The following ZFP69 variants were observed in gnomAD, a reference collection of about 807,000 sequenced individuals.
The protein encoded by ZFP69 is zinc finger protein 69 homolog.
ZFP69 carries 35 observed loss-of-function variants against 48.9 expected under a neutral mutation model. That is an observed-to-expected ratio of 0.72 (90% confidence interval 0.55 to 0.95). ZFP69 has a LOEUF of 0.95. Ranked by LOEUF, ZFP69 falls within the 40% of genes least tolerant of loss-of-function variation. The pLI, the probability that ZFP69 is intolerant of heterozygous loss-of-function variation, is 0.00. For synonymous variants in ZFP69, 193 were observed against 216.8 expected, an observed-to-expected ratio of 0.89 and a Z score of 0.96; for missense variants, 557 against 638.4, an observed-to-expected ratio of 0.87 and a Z score of 1.37.
At position 40,487,197 on chromosome 1, in the gene ZFP69, ACAGGCATGAGC is replaced by A. The variant is rs572949560; in HGVS notation, c.220-1888_220-1878del. ...ATCAGCCTCCCAAAGTGCTGGGATT[ACAGGCATGAGC>A]CACTGCGCCCGGCCTACAGTTGATT... On this transcript the variant is annotated intron_variant, in intron 3 of 5. Coordinates refer to ENST00000372706, the MANE Select transcript of ZFP69 (RefSeq NM_001320179.2). Among the ~76,000 whole-genome samples the A allele has an allele frequency of 9.8e-3, 1,496 of 152,322 alleles. 19 individuals are homozygous for A. The highest frequency in any genetic ancestry group is 0.034 in the African/African-American group (1,415 of 41,564).
chr1:40,495,616 G>A lies in ZFP69; in HGVS notation c.1138G>A (p.Glu380Lys). ...LVQHLRTHSG[E>K]KPFTCNECGK... The stretch of plus-strand genomic sequence containing the variant: ...TCAACATTTGAGGACTCATTCTGGA[G>A]AGAAACCTTTTACTTGCAATGAATG... The change falls in exon 6 of 6, where the codon GAG becomes AAG. Residue 380 changes from glutamate (E) to lysine (K), a missense_variant. Physicochemically the swap from Glu to Lys is moderately conservative, Grantham distance 56 (BLOSUM62 1). Transcript: ENST00000372706. The A allele has an allele frequency of 6.2e-7, 1 of 1,614,238 alleles. No homozygotes were observed. Among genetic ancestry groups the A allele is most frequent in the Non-Finnish European group, 8.5e-7 (1 of 1,180,046 alleles).
At chr1:40,491,149 A>G (rs1197594832) in intron 5 of ZFP69, 1 of 152,236 alleles carries the variant, frequency 6.6e-6, no homozygotes, top group Non-Finnish European at 1.5e-5. Context: ...TAAATGGTAT[A>G]TATACTTCTT....
At position 40,496,030 on chromosome 1, in the gene ZFP69, A is replaced by G. The variant is rs1645631534; in HGVS notation, c.1552A>G (p.Arg518Gly). ...ACTTAGTCGACATCATGAAATACACAGGAGGAACGCCTTCCGAAATAAGGT... is the reference window on the plus strand; with the variant it reads ...ACTTAGTCGACATCATGAAATACACGGGAGGAACGCCTTCCGAAATAAGGT... ...SSLSRHHEIH[R>G]RNAFRNKV is the part of the protein sequence containing the mutation. The change falls in exon 6 of 6, where the codon AGG becomes GGG. Residue 518 changes from arginine (R) to glycine (G), a missense_variant. Coordinates refer to ENST00000372706, the MANE Select transcript of ZFP69 (RefSeq NM_001320179.2). The G allele has an allele frequency of 6.2e-7, 1 of 1,604,956 alleles. No individual in the cohort carries two copies. Among genetic ancestry groups the G allele is most frequent in the Non-Finnish European group, 8.5e-7 (1 of 1,175,770 alleles).
intron 3 of ZFP69, among the ~76,000 whole-genome samples, chr1:40,486,925 A>AT (rs557530908): frequency 0.16 from 22,036 of 135,362 alleles, 2,079 homozygotes; most frequent in African/African-American, 0.26. Flanking sequence ...TTTACAGTTG[A>AT]TTTTTTTTTT....
In ZFP69 at chr1:40,477,377, G is replaced by A. The variant is rs912233637; in HGVS notation, c.-844G>A. 2.0e-5 allele frequency: 3 copies of A among 152,160 alleles called. No individual in the cohort carries two copies. Among genetic ancestry groups the A allele is most frequent in the African/African-American group, 7.2e-5 (3 of 41,428 alleles). The allele number at this position is 152,160 out of a possible 1,614,324, so 9.4% of individuals were successfully genotyped here. A position where few individuals can be genotyped will look rare whatever the true frequency, so the allele number is the denominator to read the frequency against. On this transcript the variant is annotated 5_prime_UTR_variant, in exon 1 of 6. Coordinates refer to ENST00000372706, the MANE Select transcript of ZFP69 (RefSeq NM_001320179.2). The surrounding 1 kb of genome is among the most constrained non-coding windows in gnomAD (Gnocchi z 4.0). ...GGACCGCCAGGGCTGCAGCGAGAGC[G>A]GCCGGCGGTGCAAGCGGCCGGGAGG...
At chr1:40,486,973 G>A (rs1158060729) in intron 3 of ZFP69, among the ~76,000 whole-genome samples, 1 of 148,788 alleles carries the variant, frequency 6.7e-6, no homozygotes, top group Non-Finnish European at 1.5e-5. Context: ...TCACCAGGCT[G>A]GAGTGCAGTG....
At chr1:40,479,586 G>C in intron 2 of ZFP69, 98 bp downstream of exon 2, 503 of 1,280,908 alleles carry the variant, frequency 3.9e-4, no homozygotes, top group Middle Eastern at 6.5e-4. Flanking sequence ...AGGGAGAGAA[G>C]GTCTCTGGGG....
chr1:40,494,305 GT>G (rs1220834494), intron 5 of ZFP69, among the ~76,000 whole-genome samples: 4 of 107,240 alleles, frequency 3.7e-5, no homozygotes, highest in African/African-American at 1.4e-4. Flanking sequence ...GTCTCGCTCT[GT>G]CGCCCAGGCT....
In ZFP69 at chr1:40,495,686, G is replaced by A. The variant is rs757968094; in HGVS notation, c.1208G>A (p.Arg403Lys). 1.2e-6 allele frequency: 2 copies of A among 1,614,176 alleles called. No homozygotes were observed. Among genetic ancestry groups the A allele is most frequent in the South Asian group, 2.2e-5 (2 of 91,086 alleles). The change falls in exon 6 of 6, where the codon AGA (arginine) becomes AAA (lysine). Residue 403 changes from arginine (R) to lysine (K), a missense_variant. By Grantham distance (26) the Arg-to-Lys change is conservative. Coordinates refer to ENST00000372706, the MANE Select transcript of ZFP69 (RefSeq NM_001320179.2). ...ATTAGACACCTTAGTGAACATATAAGAATTCATACCGGGGAGAAGCCCTAT... is the reference window on the plus strand; with the variant it reads ...ATTAGACACCTTAGTGAACATATAAAAATTCATACCGGGGAGAAGCCCTAT... ...RQIRHLSEHI[R>K]IHTGEKPYAC...
At chr1:40,491,785 GTATA>G (rs745905179) in intron 5 of ZFP69, among the ~76,000 whole-genome samples, 1 of 148,842 alleles carries the variant, frequency 6.7e-6, no homozygotes, top group Admixed American at 6.7e-5. Flanking sequence ...GTGTGTGTGT[GTATA>G]TATATATATA....
Position 40,495,622 on chromosome 1 carries a change from C to A in ZFP69, c.1144C>A (p.Pro382Thr). 6.2e-7 allele frequency: 1 copy of A among 1,614,184 alleles called. No individual in the cohort carries two copies. Among genetic ancestry groups the A allele is most frequent in the Non-Finnish European group, 8.5e-7 (1 of 1,180,028 alleles). ...QHLRTHSGEK[P>T]FTCNECGKTF... ...TTTGAGGACTCATTCTGGAGAGAAA[C>A]CTTTTACTTGCAATGAATGTGGGAA... The change falls in exon 6 of 6, where the codon CCT becomes ACT. Residue 382 changes from proline to threonine, a missense_variant. Transcript: ENST00000372706.
chr1:40,479,523 T>A, intron 2 of ZFP69, 35 bp downstream of exon 2: 1 of 1,578,566 alleles, frequency 6.3e-7, no homozygotes, highest in Non-Finnish European at 8.6e-7. Flanking sequence ...AAGAAGGGGA[T>A]CTCATTTGTG....
Position 40,484,883 on chromosome 1 carries a change from C to CTTTTTTTT in ZFP69, c.219+3048_219+3055dup, listed in dbSNP as rs71060386. Among the ~76,000 whole-genome samples the CTTTTTTTT allele has an allele frequency of 9.0e-5, 4 of 44,392 alleles. 1 individual carries two copies. The highest frequency in any genetic ancestry group is 2.0e-3 in the East Asian group (2 of 1,012). The allele number at this position is 44,392 out of a possible 152,430, so 29.1% of individuals were successfully genotyped here. On this transcript the variant is annotated intron_variant, in intron 3 of 5. Transcript: ENST00000372706. ...GGCATGAGCCACTGCGCCTGGCCTG[C>CTTTTTTTT]TTTTTTTTTTTTTTTTTTTTTTTTT...
In ZFP69 at chr1:40,494,964, T is replaced by C; in HGVS notation, c.486T>C (p.Ser162=). The change falls in exon 6 of 6, where the codon AGT becomes AGC. Residue 162 remains serine, a synonymous_variant. Coordinates refer to ENST00000372706, the MANE Select transcript of ZFP69 (RefSeq NM_001320179.2). ...AAACCATTGAGTCAACTGCAAAGAG[T>C]ACCATTTCACAGGAGCGCTTATATC... ...KIETIESTAK[S]TISQERLYHG... 6.2e-7 allele frequency: 1 copy of C among 1,613,568 alleles called. No individual in the cohort carries two copies. The highest frequency in any genetic ancestry group is 1.3e-5 in the African/African-American group (1 of 74,928).
At chr1:40,486,214 C>G (rs1230061273) in intron 3 of ZFP69, among the ~76,000 whole-genome samples, 1 of 151,836 alleles carries the variant, frequency 6.6e-6, no homozygotes, top group Non-Finnish European at 1.5e-5. Context: ...GCATGAGCCA[C>G]TGTGCCTTGC....
At chr1:40,480,059 G>A (rs1645428145) in intron 2 of ZFP69, among the ~76,000 whole-genome samples, 1 of 152,110 alleles carries the variant, frequency 6.6e-6, no homozygotes, top group Non-Finnish European at 1.5e-5. Flanking sequence ...TACCTTTAAT[G>A]CTTTACACTC....
intron 3 of ZFP69, among the ~76,000 whole-genome samples, chr1:40,483,002 C>T (rs1280078487): frequency 6.6e-6 from 1 of 152,068 alleles, no homozygotes; most frequent in Non-Finnish European, 1.5e-5. Flanking sequence ...ACTTACGGAA[C>T]ACTACGTCTA....
At chr1:40,486,771 A>AT in intron 3 of ZFP69, among the ~76,000 whole-genome samples, 1 of 151,546 alleles carries the variant, frequency 6.6e-6, no homozygotes, top group African/African-American at 2.4e-5. Context: ...TATCCCACAG[A>AT]TTTTTTTCTC....
Position 40,495,166 on chromosome 1 carries a change from A to G in ZFP69, c.688A>G (p.Ile230Val). The G allele has an allele frequency of 6.2e-7, 1 of 1,614,152 alleles. No homozygotes were observed. The highest frequency in any genetic ancestry group is 8.5e-7 in the Non-Finnish European group (1 of 1,180,006). The stretch of plus-strand genomic sequence containing the variant: ...AGAAACTAACAAATTTGGGGAAAAT[A>G]TCATTGTGCATTCAAATGTTATTAT... The part of the protein sequence containing the change: ...VQETNKFGEN[I>V]IVHSNVIIEQ... Residue 230 changes from isoleucine to valine, a missense_variant, in exon 6 of 6, where the codon ATC becomes GTC. Coordinates refer to ENST00000372706, the MANE Select transcript of ZFP69 (RefSeq NM_001320179.2).
Sources: gnomAD v4.1 joint callset for allele counts (sites outside exome capture counted in the v4.1 genomes callset) on GRCh38, gnomAD v4.1.1 for gene constraint, Gnocchi (gnomAD v3.1) non-coding constraint, MANE v1.5 for transcripts, NCBI Gene and HGNC (gene_info 2026-07-23, HGNC 2026-07-21) for gene names.